Variants in RUNDC3B observed in about 807,000 individuals in gnomAD.
RUNDC3B encodes the protein RUN domain containing 3B.
RUNDC3B carries 33 observed loss-of-function variants against 58.4 expected under a neutral mutation model. The ratio of observed to expected loss-of-function variants is 0.56; its 90% CI spans 0.43 to 0.75. The LOEUF is 0.75. RUNDC3B is among the 30% of genes least tolerant of loss of function. The probability of loss-of-function intolerance (pLI) is 0.00; values close to 1 mark genes in which losing one functional copy is unlikely to be tolerated. For missense variants in RUNDC3B, 501 were observed against 535.7 expected, an observed-to-expected ratio of 0.94 and a Z score of 0.64; for synonymous variants, 193 against 195.2, an observed-to-expected ratio of 0.99 and a Z score of 0.10.
intron 2 of RUNDC3B, among the ~76,000 whole-genome samples, chr7:87,655,208 T>C (rs1563107113): frequency 6.6e-6 from 1 of 152,072 alleles, no homozygotes; most frequent in Non-Finnish European, 1.5e-5. Flanking sequence ...AAACCAGCAA[T>C]CCCACTTGTA....
At chr7:87,706,503 A>G (rs1829599051) in intron 3 of RUNDC3B, among the ~76,000 whole-genome samples, 1 of 152,208 alleles carries the variant, frequency 6.6e-6, no homozygotes, top group Non-Finnish European at 1.5e-5. Flanking sequence ...TACTGCTGAG[A>G]ACAACTATAA....
intron 3 of RUNDC3B, among the ~76,000 whole-genome samples, chr7:87,706,199 CCAGG>C: frequency 6.6e-6 from 1 of 152,228 alleles, no homozygotes; most frequent in South Asian, 2.1e-4. Context: ...CAAATACTGA[CCAGG>C]CTAAGCAAGC....
intron 2 of RUNDC3B, among the ~76,000 whole-genome samples, chr7:87,676,408 A>T (rs1423541308): frequency 6.6e-6 from 1 of 152,128 alleles, no homozygotes; most frequent in Non-Finnish European, 1.5e-5. Context: ...ACATTAAAAA[A>T]TGGGCAAAGA....
intron 8 of RUNDC3B, among the ~76,000 whole-genome samples, chr7:87,781,772 G>T (rs1260248520): frequency 6.6e-6 from 1 of 151,928 alleles, no homozygotes; most frequent in Non-Finnish European, 1.5e-5. Flanking sequence ...TTCTGTTTAT[G>T]TGGTAGATCA....
intron 6 of RUNDC3B, among the ~76,000 whole-genome samples, chr7:87,750,916 G>A (rs1286707270): frequency 6.6e-6 from 1 of 152,016 alleles, no homozygotes; most frequent in African/African-American, 2.4e-5. Context: ...GGCTTTTGTT[G>A]CCATTGCTTT....
intron 4 of RUNDC3B, among the ~76,000 whole-genome samples, chr7:87,728,860 G>A (rs766671191): frequency 4.6e-5 from 7 of 152,002 alleles, no homozygotes; most frequent in Non-Finnish European, 8.8e-5. Context: ...TGAGATTTTC[G>A]CATATCTCCA....
At chr7:87,711,331 A>AAT (rs1041027773) in intron 4 of RUNDC3B, among the ~76,000 whole-genome samples, 172 of 151,620 alleles carry the variant, frequency 1.1e-3, no homozygotes, top group African/African-American at 3.6e-3. Context: ...TGTCTCAAAA[A>AAT]ATATATATAT....
At chr7:87,699,954 T>C (rs955893847) in intron 2 of RUNDC3B, among the ~76,000 whole-genome samples, 1 of 152,130 alleles carries the variant, frequency 6.6e-6, no homozygotes, top group Admixed American at 6.5e-5. Context: ...TTGTATACCT[T>C]TTTTGAAGTA....
At chr7:87,673,339 C>T (rs1213157891) in intron 2 of RUNDC3B, among the ~76,000 whole-genome samples, 1 of 152,222 alleles carries the variant, frequency 6.6e-6, no homozygotes, top group South Asian at 2.1e-4. Flanking sequence ...TTGTCTCCCT[C>T]TCTTTCAGGG....
intron 2 of RUNDC3B, among the ~76,000 whole-genome samples, chr7:87,665,380 G>T (rs1825121611): frequency 6.6e-6 from 1 of 152,044 alleles, no homozygotes; most frequent in South Asian, 2.1e-4. Flanking sequence ...ATTCAGGCAA[G>T]GAAGTGAAAC....
intron 2 of RUNDC3B, among the ~76,000 whole-genome samples, chr7:87,685,214 T>C (rs537357537): frequency 6.6e-6 from 1 of 152,270 alleles, no homozygotes; most frequent in East Asian, 1.9e-4. Flanking sequence ...ATGCATAATA[T>C]ACAAAGAATT....
intron 6 of RUNDC3B, among the ~76,000 whole-genome samples, chr7:87,766,466 G>C (rs1371094227): frequency 1.3e-5 from 2 of 151,972 alleles, no homozygotes; most frequent in Non-Finnish European, 2.9e-5. Context: ...GTGCTTGCTT[G>C]TCTGGGGAAG....
At chr7:87,670,621 A>G (rs967330216) in intron 2 of RUNDC3B, among the ~76,000 whole-genome samples, 2 of 152,130 alleles carry the variant, frequency 1.3e-5, no homozygotes, top group African/African-American at 2.4e-5. Flanking sequence ...CTTTATCTGC[A>G]TTGTAGATTA....
chr7:87,789,770 G>A (rs1835425668), intron 8 of RUNDC3B, among the ~76,000 whole-genome samples: 1 of 152,208 alleles, frequency 6.6e-6, no homozygotes, highest in Non-Finnish European at 1.5e-5. Flanking sequence ...ACAGGAAAGA[G>A]TAGTAATTTG....
At chr7:87,733,418 G>C (rs562251906) in intron 4 of RUNDC3B, among the ~76,000 whole-genome samples, 1 of 152,130 alleles carries the variant, frequency 6.6e-6, no homozygotes, top group Non-Finnish European at 1.5e-5. Flanking sequence ...GGGTCTCCCT[G>C]CAAGTATGTA....
At position 87,700,449 on chromosome 7, in the gene RUNDC3B, T is replaced by C. The variant is rs1828931667; in HGVS notation, c.267T>C (p.Ser89=). 6.2e-7 allele frequency: 1 copy of C among 1,612,574 alleles called. No homozygotes were observed. The highest frequency in any genetic ancestry group is 8.5e-7 in the Non-Finnish European group (1 of 1,179,478). The part of the protein sequence containing the change: ...KGQVTWFGYE[S]PRSFWDYIRV... ...AAGTAACCTGGTTTGGTTATGAAAG[T>C]CCTCGTAGCTTCTGGGACTATATCA... Residue 89 remains serine (S), a synonymous_variant, in exon 3 of 11, where the codon AGT becomes AGC. Coordinates refer to ENST00000394654, the MANE Select transcript of RUNDC3B (RefSeq NM_001134405.2).
In RUNDC3B at chr7:87,628,600, T is replaced by C. The variant is rs1019939925; in HGVS notation, c.-224T>C. On this transcript the variant is annotated 5_prime_UTR_variant, in exon 1 of 11. Transcript: ENST00000394654. ...GCGTGCGTGCGTGTGTGTGTGTGTG[T>C]GTGTGTGTGTGTGTGTGTGTGTGTG... 5.3e-4 allele frequency: 180 copies of C among 340,878 alleles called. No homozygotes were observed. Among genetic ancestry groups the C allele is most frequent in the South Asian group, 1.1e-3 (7 of 6,444 alleles). The allele number at this position is 340,878 out of a possible 1,614,324, so 21.1% of individuals were successfully genotyped here.
At chr7:87,710,453 G>A (rs567066241) in intron 3 of RUNDC3B, 117 bp from the exon 4 acceptor site, 39 of 622,164 alleles carry the variant, frequency 6.3e-5, no homozygotes, top group Middle Eastern at 4.3e-4. Flanking sequence ...TTTCTTAGTC[G>A]TTATCAAATG....
chr7:87,798,351 G>A (rs1835923268), intron 8 of RUNDC3B, among the ~76,000 whole-genome samples: 1 of 151,964 alleles, frequency 6.6e-6, no homozygotes, highest in Non-Finnish European at 1.5e-5. Context: ...CCTCCCCATA[G>A]GTCACCCATT....
Sources: gnomAD v4.1 joint callset for allele counts (sites outside exome capture counted in the v4.1 genomes callset) on GRCh38, gnomAD v4.1.1 for gene constraint, MANE v1.5 for transcripts, NCBI Gene and HGNC (gene_info 2026-07-23, HGNC 2026-07-21) for gene names.